Variants in MKRN2OS observed in about 807,000 individuals in gnomAD.
MKRN2OS encodes the protein MKRN2 opposite strand.
A neutral mutation model predicts 18.2 loss-of-function variants in MKRN2OS; 17 were observed. The ratio of observed to expected loss-of-function variants is 0.93; its 90% confidence interval spans 0.64 to 1.40. MKRN2OS has a LOEUF of 1.40. Ranked by LOEUF, MKRN2OS falls within the 40% of genes most tolerant of loss-of-function variation. The pLI, the probability that MKRN2OS is intolerant of heterozygous loss-of-function variation, is 0.00. For synonymous variants in MKRN2OS, 121 were observed against 108.5 expected, an observed-to-expected ratio of 1.12 and a Z score of -0.72; for missense variants, 337 against 283.0, an observed-to-expected ratio of 1.19 and a Z score of -1.37.
In MKRN2OS at chr3:12,542,724, A is replaced by C. The variant is rs546083482; in HGVS notation, c.268+456T>G. On this transcript the variant is annotated intron_variant, in intron 2 of 3. Transcript: ENST00000564146. ...CTTCACTTTCCTTAAAAAAAAAAAA[A>C]AAAAAAAAAACACTGCAGGCCCCAC... Among the ~76,000 whole-genome samples the C allele has an allele frequency of 1.0e-4, 14 of 133,888 alleles. No homozygotes were observed. In the South Asian group the frequency reaches 2.4e-3, roughly 22 times the overall value. 87.8% of individuals were successfully genotyped at this position (133,888 alleles called of 152,430 possible). A position where few individuals can be genotyped will look rare whatever the true frequency, so the allele number is the denominator to read the frequency against.
intron 2 of MKRN2OS, 35 bp from the exon 3 acceptor site, chr3:12,542,057 A>G: frequency 6.6e-7 from 1 of 1,520,240 alleles, no homozygotes; most frequent in African/African-American, 1.4e-5. Context: ...TGGAGCCCCA[A>G]GGAAACACAC....
chr3:12,550,422 G>A (rs559051206), upstream of MKRN2OS, among the ~76,000 whole-genome samples: 20 of 152,332 alleles, frequency 1.3e-4, 1 homozygote, highest in Admixed American at 8.5e-4. Context: ...AGTGGTTGAC[G>A]GAAGGGAGGG....
chr3:12,550,709 G>T (rs542992352), downstream of MKRN2OS, among the ~76,000 whole-genome samples: 7 of 152,248 alleles, frequency 4.6e-5, no homozygotes, highest in Admixed American at 1.3e-4. Context: ...TCTGCCTTAT[G>T]CCCCTCAGTC....
At chr3:12,552,453 C>A (rs1235588101), downstream of MKRN2OS, among the ~76,000 whole-genome samples, 1 of 146,364 alleles carries the variant, frequency 6.8e-6, no homozygotes, top group African/African-American at 2.6e-5. Context: ...ACTCTGTCGT[C>A]CAGGCTGGAG....
At chr3:12,560,547 C>T (rs2058028540) in intron 1 of MKRN2OS, among the ~76,000 whole-genome samples, 2 of 150,214 alleles carry the variant, frequency 1.3e-5, no homozygotes, top group African/African-American at 4.9e-5. Flanking sequence ...TTTGCAAAAG[C>T]GTTTTGCTAA....
downstream of MKRN2OS, among the ~76,000 whole-genome samples, chr3:12,551,567 G>A (rs890362031): frequency 4.0e-5 from 6 of 151,408 alleles, no homozygotes; most frequent in Admixed American, 6.6e-5. Context: ...AGGAATACAC[G>A]AAAGGATAAA....
intron 3 of MKRN2OS, 103 bp downstream of exon 3, chr3:12,541,757 G>T: frequency 8.3e-7 from 1 of 1,209,834 alleles, no homozygotes; most frequent in Non-Finnish European, 1.1e-6. Flanking sequence ...GGCTCAACAT[G>T]AAGCTAAGTG....
rs541834984 is a variant in MKRN2OS, at chr3:12,557,276, G to T, written n.265-3142C>A. 2.0e-4 allele frequency: 289 copies of T among 1,448,220 alleles called. No individual in the cohort carries two copies. The African/African-American group carries it at 3.8e-3, about 19-fold the overall frequency. The allele number at this position is 1,448,220 out of a possible 1,614,324, so 89.7% of individuals were successfully genotyped here. A position where few individuals can be genotyped will look rare whatever the true frequency, so the allele number is the denominator to read the frequency against. On this transcript the variant is annotated intron_variant and non_coding_transcript_variant, in intron 1 of 1. Transcript: ENST00000447550. ...GTCCGGGAACCTGAGGCTAGAGCGGGACTCGGAAAGTTACTCGGCTGTTCG... is the reference window on the plus strand; with the variant it reads ...GTCCGGGAACCTGAGGCTAGAGCGGTACTCGGAAAGTTACTCGGCTGTTCG...
At chr3:12,557,212 C>A (rs1259818842) in intron 1 of MKRN2OS, 1 of 1,529,848 alleles carries the variant, frequency 6.5e-7, no homozygotes, top group Admixed American at 2.0e-5. Flanking sequence ...CGGGCCGCTC[C>A]CCCAGGCCGC....
chr3:12,546,779 T>C (rs998423885), upstream of MKRN2OS, among the ~76,000 whole-genome samples: 11 of 152,042 alleles, frequency 7.2e-5, no homozygotes, highest in African/African-American at 1.4e-4. Flanking sequence ...GGTTTCACCA[T>C]GTCGGCCAGG....
chr3:12,551,201 A>G (rs966560310), downstream of MKRN2OS, among the ~76,000 whole-genome samples: 2 of 152,092 alleles, frequency 1.3e-5, no homozygotes, highest in African/African-American at 4.8e-5. Flanking sequence ...TATTAAAAAA[A>G]AAAAAAAAAG....
intron 1 of MKRN2OS, among the ~76,000 whole-genome samples, chr3:12,557,912 G>C (rs1258444379): frequency 6.6e-6 from 1 of 152,224 alleles, no homozygotes; most frequent in African/African-American, 2.4e-5. Context: ...TAGCCAGATA[G>C]CTACACTACG....
Position 12,558,930 on chromosome 3 carries a change from G to A in MKRN2OS, n.264+1827C>T, listed in dbSNP as rs139984848. On this transcript the variant is annotated intron_variant and non_coding_transcript_variant, in intron 1 of 1. Coordinates refer to the MKRN2OS transcript ENST00000447550. ...CCACAGATCGTAAAACTGAGCCTCA[G>A]CATTGAAGCGACTTGCCTAAGGTCA... Among the ~76,000 whole-genome samples, 4 of 152,344 alleles carry A rather than the reference G, an allele frequency of 2.6e-5. No homozygotes were observed. In the East Asian group the frequency reaches 7.7e-4, roughly 29 times the overall value.
intron 1 of MKRN2OS, among the ~76,000 whole-genome samples, chr3:12,560,123 G>A (rs550652197): frequency 1.3e-5 from 2 of 152,140 alleles, no homozygotes; most frequent in Non-Finnish European, 2.9e-5. Flanking sequence ...TTAAATAATA[G>A]CAACAAACCA....
chr3:12,550,043 C>G (rs375371037), upstream of MKRN2OS, among the ~76,000 whole-genome samples: 11 of 152,278 alleles, frequency 7.2e-5, 1 homozygote, highest in East Asian at 1.7e-3. Context: ...CAGTTTATTA[C>G]AAAACTCAAC....
upstream of MKRN2OS, among the ~76,000 whole-genome samples, chr3:12,546,129 G>A (rs918834989): frequency 6.6e-6 from 1 of 152,112 alleles, no homozygotes; most frequent in African/African-American, 2.4e-5. Context: ...TGTTTCTCCC[G>A]TTAGTCTGTG....
At chr3:12,552,943 G>A (rs189783685), downstream of MKRN2OS, among the ~76,000 whole-genome samples, 58 of 150,978 alleles carry the variant, frequency 3.8e-4, 1 homozygote, top group African/African-American at 1.3e-3. Context: ...CTGAAACCAG[G>A]AGGTGGAGGT....
rs575207451 is a variant in MKRN2OS, at chr3:12,541,815, T to C, written c.431+45A>G. ...AGGCTACACGGGGATCCCACTTGCA[T>C]AGCATGTGAGTGTCAGCGAGGGGGC... On this transcript the variant is annotated intron_variant, in intron 3 of 3. Transcript: ENST00000564146. 143 of 1,513,684 alleles carry C rather than the reference T, an allele frequency of 9.4e-5. No homozygotes were observed. In the South Asian group the frequency reaches 1.6e-3, roughly 17 times the overall value. The allele number at this position is 1,513,684 out of a possible 1,614,324, so 93.8% of individuals were successfully genotyped here. A position where few individuals can be genotyped will look rare whatever the true frequency, so the allele number is the denominator to read the frequency against.
Position 12,543,212 on chromosome 3 carries a change from G to C in MKRN2OS, c.236C>G (p.Ser79Cys). The C allele has an allele frequency of 6.5e-7, 1 of 1,535,574 alleles. No individual in the cohort carries two copies. The highest frequency in any genetic ancestry group is 8.7e-7 in the Non-Finnish European group (1 of 1,146,678). The change falls in exon 2 of 4, where the codon TCT becomes TGT. Residue 79 changes from serine to cysteine, a missense_variant. Transcript: ENST00000564146. ...GTTAGTTATTCCAACATGAAGATCAGACCTTCCATCATACTCTCTGAAAGA... is the reference window on the plus strand; with the variant it reads ...GTTAGTTATTCCAACATGAAGATCACACCTTCCATCATACTCTCTGAAAGA... ...GTFLREYDGRSDLHVGITNTN... is the reference protein window; with the variant it reads ...GTFLREYDGRCDLHVGITNTN...
Sources: gnomAD v4.1 joint callset for allele counts (sites outside exome capture counted in the v4.1 genomes callset) on GRCh38, gnomAD v4.1.1 for gene constraint, MANE v1.5 for transcripts, NCBI Gene and HGNC (gene_info 2026-07-23, HGNC 2026-07-21) for gene names.